The following RARB variants were observed in gnomAD, a reference collection of about 807,000 sequenced individuals.
RARB encodes the protein HBV-activated protein.
A neutral mutation model predicts 51.9 loss-of-function variants in RARB; 17 were observed. The observed-to-expected ratio is 0.33, with a 90% confidence interval of 0.22 to 0.49. The LOEUF is 0.49. Among genes scored for constraint, RARB ranks in the 20% least tolerant of loss-of-function variants. The pLI is 0.99. For synonymous variants in RARB, 215 were observed against 195.4 expected (o/e 1.10, Z -0.84); for missense variants, 369 against 550.8 (o/e 0.67, Z 3.30).
intron 3 of RARB, among the ~76,000 whole-genome samples, chr3:25,115,581 CTT>C (rs1254783545): frequency 6.6e-6 from 1 of 151,406 alleles, no homozygotes; most frequent in Non-Finnish European, 1.5e-5. Flanking sequence ...CTCTCCTTTC[CTT>C]TCTTTTCTTT....
chr3:25,275,101 G>A (rs762205971), intron 5 of RARB, among the ~76,000 whole-genome samples: 1 of 152,156 alleles, frequency 6.6e-6, no homozygotes, highest in Non-Finnish European at 1.5e-5. Flanking sequence ...TGCTATCAGA[G>A]GTCACTGCAC....
chr3:24,911,993 C>G (rs763170468), intron 2 of RARB, among the ~76,000 whole-genome samples: 5 of 152,122 alleles, frequency 3.3e-5, no homozygotes, highest in African/African-American at 1.2e-4. Flanking sequence ...GTTCAAGTCT[C>G]CAGACGTGCA....
chr3:24,980,042 G>A (rs987336780), intron 2 of RARB, among the ~76,000 whole-genome samples: 1 of 152,132 alleles, frequency 6.6e-6, no homozygotes, highest in Non-Finnish European at 1.5e-5. Context: ...TAGTTTGGCT[G>A]GATATGAAAT....
chr3:25,345,620 G>A (rs546172424), intron 5 of RARB, among the ~76,000 whole-genome samples: 11 of 147,796 alleles, frequency 7.4e-5, no homozygotes, highest in African/African-American at 1.0e-4. Flanking sequence ...AGCCGAGATC[G>A]TGCCACTGCA....
At chr3:25,366,184 T>C (rs1706115561) in intron 5 of RARB, among the ~76,000 whole-genome samples, 1 of 152,234 alleles carries the variant, frequency 6.6e-6, no homozygotes, top group Non-Finnish European at 1.5e-5. Context: ...CCTTGTAATA[T>C]GGGTGTTGTT....
intron 2 of RARB, among the ~76,000 whole-genome samples, chr3:24,921,581 T>C (rs933126851): frequency 2.6e-5 from 4 of 152,086 alleles, no homozygotes; most frequent in Non-Finnish European, 5.9e-5. Context: ...CAGATCAACC[T>C]TTCTTCTTTT....
At position 25,189,254 on chromosome 3, in the gene RARB, G is replaced by A. The variant is rs149227047; in HGVS notation, c.178+14679G>A. Among the ~76,000 whole-genome samples the A allele has an allele frequency of 3.2e-3, 492 of 152,228 alleles. 4 individuals carry two copies. Among genetic ancestry groups the A allele is most frequent in the African/African-American group, 0.011 (461 of 41,550 alleles). On this transcript the variant is annotated intron_variant, in intron 5 of 11. Transcript: ENST00000383772. ...TCCAAACCCTGTCTCCAGGTACATC[G>A]CTCTCTGACAGTCTAAGTTTAATCC... is the stretch of plus-strand genomic sequence containing the variant.
In RARB at chr3:25,428,628, A is replaced by T; in HGVS notation, c.-104A>T. On this transcript the variant is annotated 5_prime_UTR_variant, in exon 1 of 8. Transcript: ENST00000330688. ...GAAAAAGACCAACAGCCTACGTGCC[A>T]AAAAAGGGGCAGAGTTTGATGGAGT... 6.9e-7 allele frequency: 1 copy of T among 1,441,460 alleles called. No individual in the cohort carries two copies. Among genetic ancestry groups the T allele is most frequent in the East Asian group, 2.4e-5 (1 of 41,376 alleles). The allele number at this position is 1,441,460 out of a possible 1,614,324, so 89.3% of individuals were successfully genotyped here.
intron 5 of RARB, among the ~76,000 whole-genome samples, chr3:25,394,877 G>T (rs1707073912): frequency 6.6e-6 from 1 of 152,092 alleles, no homozygotes; most frequent in South Asian, 2.1e-4. Context: ...CTTTTAAGTG[G>T]AACATTTAGG....
In RARB at chr3:25,594,688, C is replaced by T. The variant is rs371637084; in HGVS notation, c.1150+10C>T. 3.1e-5 allele frequency: 50 copies of T among 1,605,192 alleles called. No individual in the cohort carries two copies. Among genetic ancestry groups the T allele is most frequent in the African/African-American group, 4.0e-5 (3 of 74,240 alleles). On this transcript the variant is annotated intron_variant, in intron 7 of 7. Coordinates refer to ENST00000330688, the MANE Select transcript of RARB (RefSeq NM_000965.5). ...AGCATCAGTGCTAAAGGTATGTCTT[C>T]GTGCTCTCAGTACTGTAGTCACACA...
chr3:25,381,381 G>A (rs1237199568), intron 5 of RARB, among the ~76,000 whole-genome samples: 6 of 152,236 alleles, frequency 3.9e-5, no homozygotes, highest in East Asian at 3.9e-4. Context: ...CTGTGTTCCC[G>A]CACCAACCCT....
At chr3:25,034,113 C>T (rs535019884) in intron 2 of RARB, among the ~76,000 whole-genome samples, 4 of 152,170 alleles carry the variant, frequency 2.6e-5, no homozygotes, top group Non-Finnish European at 5.9e-5. Flanking sequence ...CTGTTTGGAC[C>T]AGTCTGGCCA....
intron 3 of RARB, among the ~76,000 whole-genome samples, chr3:25,554,406 C>A (rs1699970239): frequency 6.6e-6 from 1 of 152,016 alleles, no homozygotes; most frequent in Non-Finnish European, 1.5e-5. Flanking sequence ...CGGCCCACTG[C>A]TTATTTTGGT....
At chr3:25,035,997 T>C (rs1575129480) in intron 2 of RARB, among the ~76,000 whole-genome samples, 1 of 152,342 alleles carries the variant, frequency 6.6e-6, no homozygotes, top group African/African-American at 2.4e-5. Flanking sequence ...CAGGCAGAAC[T>C]GTAGGAAATT....
At chr3:25,175,976 T>C (rs748299947) in intron 5 of RARB, among the ~76,000 whole-genome samples, 2 of 152,228 alleles carry the variant, frequency 1.3e-5, no homozygotes, top group Admixed American at 6.5e-5. Context: ...GCAAATGATA[T>C]AATGAAGTTA....
At chr3:25,377,265 G>A (rs1170688259) in intron 5 of RARB, among the ~76,000 whole-genome samples, 1 of 152,074 alleles carries the variant, frequency 6.6e-6, no homozygotes, top group Non-Finnish European at 1.5e-5. Context: ...TGCTTTTCTT[G>A]TTAGGCTGAA....
chr3:25,234,755 C>T (rs905736491), intron 5 of RARB, among the ~76,000 whole-genome samples: 1 of 152,048 alleles, frequency 6.6e-6, no homozygotes, highest in Non-Finnish European at 1.5e-5. Context: ...TGATTATCTG[C>T]CTTTGGGGTG....
chr3:25,247,857 C>T (rs1702606328), intron 5 of RARB, among the ~76,000 whole-genome samples: 2 of 152,170 alleles, frequency 1.3e-5, no homozygotes, highest in South Asian at 2.1e-4. Flanking sequence ...TATACTGTAG[C>T]TGTTGGGTGA....
chr3:24,924,552 G>A (rs1351394732), intron 2 of RARB, among the ~76,000 whole-genome samples: 2 of 152,122 alleles, frequency 1.3e-5, no homozygotes, highest in African/African-American at 4.8e-5. Flanking sequence ...AAAGAGATGA[G>A]TGTGACTAAT....
Sources: gnomAD v4.1 joint callset for allele counts (sites outside exome capture counted in the v4.1 genomes callset) on GRCh38, gnomAD v4.1.1 for gene constraint, MANE v1.5 for transcripts, NCBI Gene and HGNC (gene_info 2026-07-23, HGNC 2026-07-21) for gene names.